Variants in CNTN4 observed in about 807,000 individuals in gnomAD.
The protein encoded by CNTN4 is contactin 4.
In CNTN4, 77 loss-of-function variants were observed where a neutral mutation model predicts 122.5. That is an observed-to-expected ratio of 0.63 (90% CI 0.52 to 0.76). The LOEUF is 0.76. Among genes scored for constraint, CNTN4 ranks in the 30% least tolerant of loss-of-function variants. The pLI is 0.00. For synonymous variants in CNTN4, 512 were observed against 447.0 expected, an observed-to-expected ratio of 1.15 and a Z score of -1.83; for missense variants, 1,256 against 1,259.1, an observed-to-expected ratio of 1.00 and a Z score of 0.04.
intron 2 of CNTN4, among the ~76,000 whole-genome samples, chr3:2,317,118 T>A (rs989929907): frequency 1.3e-5 from 2 of 152,230 alleles, no homozygotes; most frequent in African/African-American, 4.8e-5. Flanking sequence ...TTTGTTAGCA[T>A]AATTGTATGG....
At chr3:2,554,936 A>G (rs937314948) in intron 3 of CNTN4, among the ~76,000 whole-genome samples, 13 of 152,212 alleles carry the variant, frequency 8.5e-5, no homozygotes, top group Non-Finnish European at 1.8e-4. Flanking sequence ...AATGCTGCAC[A>G]GAATGCCTTT....
intron 2 of CNTN4, among the ~76,000 whole-genome samples, chr3:2,328,616 T>A (rs904431886): frequency 6.6e-6 from 1 of 151,978 alleles, no homozygotes; most frequent in East Asian, 1.9e-4. Context: ...TCCATATCCT[T>A]GGGTTCCACA....
intron 4 of CNTN4, among the ~76,000 whole-genome samples, chr3:2,695,923 TA>T (rs1378038365): frequency 2.6e-5 from 4 of 152,014 alleles, no homozygotes; most frequent in Admixed American, 6.6e-5. Context: ...TATAGGGTGG[TA>T]GGGGTGGGGG....
chr3:2,808,606 C>A (rs991599646), intron 6 of CNTN4, among the ~76,000 whole-genome samples: 2 of 152,174 alleles, frequency 1.3e-5, no homozygotes, highest in Middle Eastern at 3.4e-3. Context: ...TAGGCCCATG[C>A]AATTTGCAAG....
At chr3:2,297,664 G>T (rs991942122) in intron 2 of CNTN4, among the ~76,000 whole-genome samples, 9 of 152,004 alleles carry the variant, frequency 5.9e-5, no homozygotes, top group Non-Finnish European at 1.5e-5. Context: ...TGCGACCAGA[G>T]GTTTTTGATT....
chr3:2,560,561 C>G (rs575106724), intron 3 of CNTN4, among the ~76,000 whole-genome samples: 19 of 152,254 alleles, frequency 1.2e-4, no homozygotes, highest in African/African-American at 4.3e-4. Context: ...ATATACTTCT[C>G]TACAAACTTC....
chr3:2,929,470 G>A lies in CNTN4; in HGVS notation c.1358+3691G>A, dbSNP rs116551774. Among the ~76,000 whole-genome samples the A allele has an allele frequency of 7.1e-3, 1,082 of 152,250 alleles. 10 individuals carry two copies. Among genetic ancestry groups the A allele is most frequent in the African/African-American group, 0.025 (1,019 of 41,536 alleles). On this transcript the variant is annotated intron_variant, in intron 13 of 24. Coordinates refer to ENST00000418658, the MANE Select transcript of CNTN4 (RefSeq NM_175607.3). ...TATACAACAATTGTATCAACCCAGG[G>A]TGGATGCTTTTGGTTACAAGTAAGA...
intron 22 of CNTN4, among the ~76,000 whole-genome samples, 172 bp from the exon 23 acceptor site, chr3:3,043,420 C>A (rs557680860): frequency 1.3e-5 from 2 of 152,158 alleles, no homozygotes; most frequent in East Asian, 1.9e-4. Flanking sequence ...CCAACTGAAT[C>A]TTTTTCCATT....
chr3:2,658,050 T>A (rs73112546), intron 4 of CNTN4, among the ~76,000 whole-genome samples: 2,228 of 147,368 alleles, frequency 0.015, 59 homozygotes, highest in African/African-American at 0.054. Flanking sequence ...TACTAGATAC[T>A]GTGCGAAGTG....
chr3:2,522,826 C>A (rs983812020), intron 3 of CNTN4, among the ~76,000 whole-genome samples: 1 of 152,008 alleles, frequency 6.6e-6, no homozygotes, highest in African/African-American at 2.4e-5. Context: ...GATTTCCCAA[C>A]TGAGGAATTC....
intron 2 of CNTN4, among the ~76,000 whole-genome samples, chr3:2,105,553 A>G (rs751406285): frequency 2.6e-5 from 4 of 152,164 alleles, no homozygotes; most frequent in Non-Finnish European, 4.4e-5. Context: ...AGCCCCTTAT[A>G]AAACCATCAG....
chr3:2,411,930 G>A (rs2047239203), intron 3 of CNTN4, among the ~76,000 whole-genome samples: 1 of 152,102 alleles, frequency 6.6e-6, no homozygotes, highest in East Asian at 1.9e-4. Context: ...TCAAGATAGA[G>A]AATATTTCCA....
intron 2 of CNTN4, among the ~76,000 whole-genome samples, chr3:2,140,894 T>G (rs578231549): frequency 2.6e-5 from 4 of 152,360 alleles, no homozygotes; most frequent in Admixed American, 6.5e-5. Flanking sequence ...TGTTTCATTG[T>G]GTCGGAACAT....
At chr3:2,114,866 G>A (rs1264336997) in intron 2 of CNTN4, among the ~76,000 whole-genome samples, 1 of 152,202 alleles carries the variant, frequency 6.6e-6, no homozygotes, top group Non-Finnish European at 1.5e-5. Context: ...TGAGTGAGGT[G>A]CATTCCTTTG....
rs767370642 is a variant in CNTN4 at position 3,026,192 on chromosome 3, C to T, written c.1577C>T (p.Ser526Leu). 8.1e-6 allele frequency: 13 copies of T among 1,613,072 alleles called. No homozygotes were observed. In the Admixed American group the frequency reaches 8.3e-5, roughly 10 times the overall value. ...CCGTGCCAGGTAACGCATGATCACT[C>T]GCTAGACATCGTGTTTACTTGGTCA... ...VLPCQVTHDH[S>L]LDIVFTWSFN... The change falls in exon 15 of 25, where the codon TCG (serine) becomes TTG (leucine). Residue 526 changes from serine to leucine, a missense_variant. Physicochemically the swap from Ser to Leu is moderately radical, Grantham distance 145 (BLOSUM62 -2). Coordinates refer to ENST00000418658, the MANE Select transcript of CNTN4 (RefSeq NM_175607.3).
intron 2 of CNTN4, among the ~76,000 whole-genome samples, chr3:2,265,558 C>A (rs368640158): frequency 4.6e-5 from 7 of 151,786 alleles, no homozygotes; most frequent in Admixed American, 4.6e-4. Flanking sequence ...AGGTCTTTTG[C>A]GATTCTATAG....
intron 2 of CNTN4, among the ~76,000 whole-genome samples, chr3:2,291,227 G>A (rs1242231155): frequency 1.3e-5 from 2 of 152,078 alleles, no homozygotes; most frequent in African/African-American, 4.8e-5. Flanking sequence ...GTATCAGGGA[G>A]TATATAAAGG....
chr3:2,739,249 T>C (rs2089316067), intron 5 of CNTN4, among the ~76,000 whole-genome samples: 1 of 151,818 alleles, frequency 6.6e-6, no homozygotes, highest in Non-Finnish European at 1.5e-5. Flanking sequence ...TTGGTGAAGA[T>C]GAAGAGCAAA....
At chr3:2,153,791 TGA>T (rs913317869) in intron 2 of CNTN4, among the ~76,000 whole-genome samples, 2 of 152,024 alleles carry the variant, frequency 1.3e-5, no homozygotes, top group Admixed American at 6.6e-5. Context: ...GTTTCCTAGG[TGA>T]GAGAGTGTGT....
Sources: allele counts gnomAD v4.1 joint callset (sites outside exome capture counted in the v4.1 genomes callset), GRCh38; gene constraint gnomAD v4.1.1; transcripts MANE v1.5; gene names NCBI Gene and HGNC (gene_info 2026-07-23, HGNC 2026-07-21).